Variants in NDUFB6 observed in about 807,000 individuals in gnomAD.
The protein encoded by NDUFB6 is NADH dehydrogenase [ubiquinone] 1 beta subcomplex subunit 6.
In NDUFB6, 23 loss-of-function variants were observed where a neutral mutation model predicts 17.5. The observed-to-expected ratio is 1.31, with a 90% CI of 0.94 to 1.86. The LOEUF (loss-of-function observed/expected upper bound fraction) is 1.86. Among genes scored for constraint, NDUFB6 ranks in the 40% most tolerant of loss-of-function variants. The pLI is 0.00. For synonymous variants in NDUFB6, 60 were observed against 53.5 expected (o/e 1.12, Z -0.53); for missense variants, 167 against 153.8 (o/e 1.09, Z -0.46).
intron 2 of NDUFB6, among the ~76,000 whole-genome samples, chr9:32,562,687 A>G (rs1387944783): frequency 3.3e-5 from 5 of 152,322 alleles, no homozygotes; most frequent in Admixed American, 6.5e-5. Flanking sequence ...ATATTCTTAA[A>G]ATAATTACAA....
chr9:32,559,016 A>G, intron 2 of NDUFB6, 62 bp from the exon 3 acceptor site: 1 of 1,226,292 alleles, frequency 8.2e-7, no homozygotes, highest in Non-Finnish European at 1.2e-6. Flanking sequence ...AAAATAAGAA[A>G]TAGGTCATAC....
rs143339409 is a variant in NDUFB6 at position 32,553,937 on chromosome 9, G to A, written c.326C>T (p.Thr109Ile). The A allele has an allele frequency of 6.3e-4, 1,007 of 1,589,258 alleles. 1 individual carries two copies. Among genetic ancestry groups the A allele is most frequent in the Non-Finnish European group, 7.4e-4 (855 of 1,159,002 alleles). The change falls in exon 4 of 4, where the codon ACA becomes ATA. Residue 109 changes from threonine to isoleucine, a missense_variant. Physicochemically the swap from Thr to Ile is moderately conservative, Grantham distance 89. Transcript: ENST00000379847. Reference sequence around the variant, plus strand: ...AATTACTTCTCCAGTCTCCAGAATTGTATCACCCTAGGAAAACAAAGATAC... The same window carrying A: ...AATTACTTCTCCAGTCTCCAGAATTATATCACCCTAGGAAAACAAAGATAC... The part of the protein sequence containing the change: ...EKKSRIFPGD[T>I]ILETGEVIPP...
intron 2 of NDUFB6, among the ~76,000 whole-genome samples, chr9:32,569,864 C>G (rs889190387): frequency 1.3e-5 from 2 of 151,780 alleles, no homozygotes; most frequent in Non-Finnish European, 2.9e-5. Flanking sequence ...TTCTTTTACA[C>G]TGCTATTACA....
At chr9:32,568,449 T>C (rs919683308) in intron 2 of NDUFB6, 3 of 237,302 alleles carry the variant, frequency 1.3e-5, no homozygotes, top group Non-Finnish European at 2.7e-5. Context: ...ATTGTTGAAA[T>C]GACAACAAAG....
chr9:32,555,068 G>A (rs933090700), intron 3 of NDUFB6, among the ~76,000 whole-genome samples: 1 of 151,596 alleles, frequency 6.6e-6, no homozygotes, highest in African/African-American at 2.4e-5. Context: ...ACACTTTGGT[G>A]CACGCTAGAG....
Position 32,564,704 on chromosome 9 carries a change from G to A in NDUFB6, c.274-5750C>T, listed in dbSNP as rs952073012. Among the ~76,000 whole-genome samples, 4 of 152,130 alleles carry A rather than the reference G, an allele frequency of 2.6e-5. No homozygotes were observed. In the East Asian group the frequency reaches 5.8e-4, roughly 22 times the overall value. ...TCTCTGCGCACTCACCACCTGCACT[G>A]CTGACATGAGCTCCATATTATCTGA... On this transcript the variant is annotated intron_variant, in intron 2 of 3. Transcript: ENST00000379847.
chr9:32,558,560 T>C (rs1189041170), intron 3 of NDUFB6, among the ~76,000 whole-genome samples: 1 of 152,222 alleles, frequency 6.6e-6, no homozygotes, highest in Non-Finnish European at 1.5e-5. Flanking sequence ...CATGCATGGA[T>C]GTTTGCTTAG....
intron 1 of NDUFB6, among the ~76,000 whole-genome samples, chr9:32,571,935 A>G (rs900848544): frequency 3.9e-5 from 6 of 152,250 alleles, no homozygotes; most frequent in Admixed American, 3.9e-4. Context: ...TAGACTTTGT[A>G]GCACAGTAAG....
rs139878766 is a variant in NDUFB6 at position 32,553,886 on chromosome 9, T to C, written c.377A>G (p.Gln126Arg). ...VIPPMKEFPD[Q>R]HH ...CTTTTTACATAATCTTTAATGATGT[T>C]GATCAGGAAATTCTTTCATTGGTGG... Residue 126 changes from glutamine to arginine, a missense_variant, in exon 4 of 4, where the codon CAA becomes CGA. Physicochemically the swap from Gln to Arg is conservative, Grantham distance 43 (BLOSUM62 1). Coordinates refer to ENST00000379847, the MANE Select transcript of NDUFB6 (RefSeq NM_002493.5). The C allele has an allele frequency of 3.1e-6, 5 of 1,587,470 alleles. No homozygotes were observed. The highest frequency in any genetic ancestry group is 4.3e-6 in the Non-Finnish European group (5 of 1,156,810).
intron 2 of NDUFB6, among the ~76,000 whole-genome samples, chr9:32,559,753 T>C (rs920472578): frequency 3.3e-5 from 5 of 152,200 alleles, no homozygotes; most frequent in African/African-American, 4.8e-5. Context: ...ATTTTTCTTC[T>C]ATAGACTTGT....
chr9:32,565,032 C>T (rs974240010), intron 2 of NDUFB6, among the ~76,000 whole-genome samples: 2 of 152,208 alleles, frequency 1.3e-5, no homozygotes, highest in African/African-American at 4.8e-5. Context: ...GTGGCTCACG[C>T]TTGTAATCCC....
At chr9:32,566,769 G>A in intron 2 of NDUFB6, 1 of 905,268 alleles carries the variant, frequency 1.1e-6, no homozygotes, top group South Asian at 1.3e-5. Flanking sequence ...GGTGTCGGCT[G>A]CGACGTTCTG....
chr9:32,558,747 T>C (rs559870923), intron 3 of NDUFB6, among the ~76,000 whole-genome samples, 163 bp downstream of exon 3: 2 of 132,304 alleles, frequency 1.5e-5, no homozygotes, highest in African/African-American at 7.8e-5. Flanking sequence ...TTTCTTCCTG[T>C]TTTTTTTTGT....
At chr9:32,572,833 G>T in intron 1 of NDUFB6, 48 bp downstream of exon 1, 1 of 1,476,650 alleles carries the variant, frequency 6.8e-7, no homozygotes, top group Non-Finnish European at 9.0e-7. Flanking sequence ...TCAGGCTGCC[G>T]GCAGCAGTGG....
Position 32,555,267 on chromosome 9 carries a change from G to C in NDUFB6, c.319-1323C>G, listed in dbSNP as rs1408948312. 2.0e-5 allele frequency among the ~76,000 whole-genome samples: 3 copies of C among 152,082 alleles called. No homozygotes were observed. In the East Asian group the frequency reaches 5.8e-4, roughly 29 times the overall value. On this transcript the variant is annotated intron_variant, in intron 3 of 3. Transcript: ENST00000379847. ...ATCTAAAAAATAAATAAAAAATCAG[G>C]ACCTTGTGGTATTGAAAAATCACAC...
intron 3 of NDUFB6, among the ~76,000 whole-genome samples, chr9:32,555,191 T>C (rs958042658): frequency 3.8e-4 from 58 of 152,044 alleles, no homozygotes; most frequent in African/African-American, 9.2e-4. Flanking sequence ...GGCAGGAGGA[T>C]TGCTTGAGGC....
At chr9:32,570,874 T>A in intron 2 of NDUFB6, 86 bp downstream of exon 2, 1 of 815,448 alleles carries the variant, frequency 1.2e-6, no homozygotes, top group Non-Finnish European at 1.9e-6. Context: ...AAGTGGCAGA[T>A]TATTTCCACT....
chr9:32,568,833 C>A (rs1206224116), intron 2 of NDUFB6, among the ~76,000 whole-genome samples: 1 of 148,408 alleles, frequency 6.7e-6, no homozygotes, highest in African/African-American at 2.5e-5. Flanking sequence ...TCACTGCAAC[C>A]TCCGCCTCCC....
chr9:32,572,868 G>T lies in NDUFB6; in HGVS notation c.180+13C>A. ...GGATGTGTTGGGGGGGACCGGAGAG[G>T]TCTGTCACTCACCATTTTCCTCCAA... On this transcript the variant is annotated intron_variant, in intron 1 of 3. Transcript: ENST00000379847. 1 of 1,561,096 alleles carries T rather than the reference G, an allele frequency of 6.4e-7. No individual in the cohort carries two copies.
Sources: allele counts gnomAD v4.1 joint callset (sites outside exome capture counted in the v4.1 genomes callset), GRCh38; gene constraint gnomAD v4.1.1; transcripts MANE v1.5; gene names NCBI Gene and HGNC (gene_info 2026-07-23, HGNC 2026-07-21).